The following CROCC variants were observed in gnomAD, a reference collection of about 807,000 sequenced individuals.
CROCC encodes the protein ciliary rootlet coiled-coil, rootletin, also known as rootletin.
A neutral mutation model predicts 245.2 loss-of-function variants in CROCC; 180 were observed. That is an observed-to-expected ratio of 0.73 (90% CI 0.65 to 0.83). CROCC has a LOEUF of 0.83. Among genes scored for constraint, CROCC ranks in the 40% least tolerant of loss-of-function variants. CROCC has a pLI of 0.00. For synonymous variants in CROCC, 1,205 were observed against 1,241.6 expected, an observed-to-expected ratio of 0.97 and a Z score of 0.62; for missense variants, 2,688 against 2,779.4, an observed-to-expected ratio of 0.97 and a Z score of 0.74.
chr1:16,953,385 G>C lies in CROCC; in HGVS notation c.3090G>C (p.Arg1030=). The change falls in exon 21 of 37, where the codon CGG becomes CGC. Residue 1030 remains arginine (R), a synonymous_variant. Coordinates refer to ENST00000375541, the MANE Select transcript of CROCC (RefSeq NM_014675.5). ...GTGAGCAGGAGGAGCTGCTGGCCCG[G>C]CTGGAGGCTGAGAAGGAAGAGCTGA... The part of the protein sequence containing the change: ...LQREQEELLA[R]LEAEKEELSE... 6.2e-7 allele frequency: 1 copy of C among 1,610,546 alleles called. No individual in the cohort carries two copies. Among genetic ancestry groups the C allele is most frequent in the Non-Finnish European group, 8.5e-7 (1 of 1,179,702 alleles).
chr1:16,964,038 T>A (rs1047143874), intron 27 of CROCC, among the ~76,000 whole-genome samples: 32 of 152,114 alleles, frequency 2.1e-4, no homozygotes, highest in African/African-American at 7.2e-4. Context: ...CCTCAGGTGA[T>A]CTGCCCGCCT....
chr1:16,958,872 C>A, intron 26 of CROCC, 122 bp downstream of exon 26: 1 of 1,101,836 alleles, frequency 9.1e-7, no homozygotes, highest in Non-Finnish European at 1.3e-6. Flanking sequence ...TCCCCCACTC[C>A]TTGAGACTCT....
Position 16,969,212 on chromosome 1 carries a change from C to T in CROCC, c.5173C>T (p.Arg1725Trp), listed in dbSNP as rs139046145. The T allele has an allele frequency of 3.4e-4, 544 of 1,610,160 alleles. 3 individuals are homozygous for T. The highest frequency in any genetic ancestry group is 1.8e-3 in the South Asian group (160 of 90,648). The change falls in exon 32 of 37, where the codon CGG (arginine) becomes TGG (tryptophan). Residue 1725 changes from arginine to tryptophan, a missense_variant. Arg to Trp is a moderately radical substitution (Grantham distance 101, BLOSUM62 -3). Around this residue, in one of 9 missense-constraint regions of CROCC, gnomAD observed 1,218 missense variants for 1,286.3 expected, o/e 0.95. Coordinates refer to ENST00000375541, the MANE Select transcript of CROCC (RefSeq NM_014675.5). ...AKVEESEGAL[R>W]DKVRGLTEAL... ...GGTGGAGGAAAGCGAGGGGGCCCTG[C>T]GGGACAAGGTGCGGGGCCTGACAGA...
rs747926328 is a variant in CROCC, at chr1:16,969,350, C to T, written c.5301+10C>T. 11 of 1,605,626 alleles carry T rather than the reference C, an allele frequency of 6.9e-6. No homozygotes were observed. In the Admixed American group the frequency reaches 1.2e-4, roughly 17 times the overall value. On this transcript the variant is annotated intron_variant, in intron 32 of 36. Coordinates refer to ENST00000375541, the MANE Select transcript of CROCC (RefSeq NM_014675.5). ...CCGCCAAGTACTCCAGGTCTCGGGC[C>T]CAGGGTCTGGCTGGGGTGGGCCCAG... is the stretch of plus-strand genomic sequence containing the variant.
Position 16,970,768 on chromosome 1 carries a change from G to A in CROCC, c.5784+1G>A, listed in dbSNP as rs1306551232. The A allele has an allele frequency of 6.3e-7, 1 of 1,579,328 alleles. No individual in the cohort carries two copies. Among genetic ancestry groups the A allele is most frequent in the Admixed American group, 1.9e-5 (1 of 53,916 alleles). On this transcript the variant is annotated splice_donor_variant, in intron 35 of 36. Coordinates refer to ENST00000375541, the MANE Select transcript of CROCC (RefSeq NM_014675.5). LOFTEE classifies it high-confidence loss of function. Reference sequence around the variant, plus strand: ...GCAGAGGCAGATCCAGCAGCTGGAGGTCTGACCCCACCCAGTCCGGGACCC... The same window carrying A: ...GCAGAGGCAGATCCAGCAGCTGGAGATCTGACCCCACCCAGTCCGGGACCC...
intron 25 of CROCC, 144 bp from the exon 26 acceptor site, chr1:16,958,439 T>G: frequency 2.0e-6 from 2 of 976,338 alleles, no homozygotes; most frequent in Non-Finnish European, 3.0e-6. Context: ...TTCAGTGTGG[T>G]TGTGTAGGGG....
intron 3 of CROCC, among the ~76,000 whole-genome samples, 156 bp from the exon 4 acceptor site, chr1:16,929,690 T>C (rs377378311): frequency 1.8e-4 from 27 of 152,374 alleles, no homozygotes; most frequent in South Asian, 1.4e-3. Context: ...ACACGTGCAC[T>C]GCCCCTGGGC....
At position 16,966,342 on chromosome 1, in the gene CROCC, T is replaced by C. The variant is rs551674158; in HGVS notation, c.4697-66T>C. On this transcript the variant is annotated intron_variant, in intron 29 of 36. Transcript: ENST00000375541. The surrounding 1 kb of genome is among the most constrained non-coding windows in gnomAD (Gnocchi z 4.8). ...CTGGGTGGAGTGCAGGCTGGACATT[T>C]TGTGACCTGGTTTGGGTCTCGGGGC... The C allele has an allele frequency of 8.9e-5, 131 of 1,467,272 alleles. No homozygotes were observed. Among genetic ancestry groups the C allele is most frequent in the Non-Finnish European group, 1.1e-4 (125 of 1,108,008 alleles). 90.9% of individuals were successfully genotyped at this position (1,467,272 alleles called of 1,614,324 possible).
intron 8 of CROCC, 80 bp from the exon 9 acceptor site, chr1:16,936,557 C>G: frequency 7.2e-7 from 1 of 1,391,084 alleles, no homozygotes; most frequent in Non-Finnish European, 9.7e-7. Context: ...GTGTGAGCCA[C>G]CACGCCCTGC....
rs2076421453 is a variant in CROCC at position 16,966,519 on chromosome 1, C to T, written c.4808C>T (p.Ala1603Val). Residue 1603 changes from alanine (A) to valine (V), a missense_variant, in exon 30 of 37, where the codon GCC (alanine) becomes GTC (valine). By Grantham distance (64) the Ala-to-Val change is moderately conservative. This residue lies in a region of CROCC where 1,218 missense variants were observed against 1,286.3 expected (regional missense o/e 0.95). Coordinates refer to ENST00000375541, the MANE Select transcript of CROCC (RefSeq NM_014675.5). The surrounding 1 kb of genome is among the most constrained non-coding windows in gnomAD (Gnocchi z 4.8). Reference sequence around the variant, plus strand: ...CGCCGGGCCACGCTGGACCAGGTGGCCACACTGGAGAGGAGCCTGCAGGCC... The same window carrying T: ...CGCCGGGCCACGCTGGACCAGGTGGTCACACTGGAGAGGAGCCTGCAGGCC... ...RERRATLDQV[A>V]TLERSLQATE... 1.3e-6 allele frequency: 2 copies of T among 1,525,542 alleles called. No homozygotes were observed. The highest frequency in any genetic ancestry group is 8.8e-7 in the Non-Finnish European group (1 of 1,140,424). 94.5% of individuals were successfully genotyped at this position (1,525,542 alleles called of 1,614,324 possible). A position where few individuals can be genotyped will look rare whatever the true frequency, so the allele number is the denominator to read the frequency against.
At chr1:16,943,145 G>A (rs2075967927) in intron 13 of CROCC, among the ~76,000 whole-genome samples, 1 of 152,276 alleles carries the variant, frequency 6.6e-6, no homozygotes, top group Non-Finnish European at 1.5e-5. Flanking sequence ...GGGAGGCTGA[G>A]GCAGGAGAAT....
intron 24 of CROCC, 36 bp downstream of exon 24, chr1:16,955,586 A>C (rs770270411): frequency 8.8e-5 from 127 of 1,441,382 alleles, no homozygotes; most frequent in Non-Finnish European, 1.1e-4. Flanking sequence ...CTGAGTCCTC[A>C]TGGGATCCCA....
chr1:16,969,238 G>A lies in CROCC; in HGVS notation c.5199G>A (p.Glu1733=). The change falls in exon 32 of 37, where the codon GAG becomes GAA. Residue 1733 remains glutamate (E), a synonymous_variant. Transcript: ENST00000375541. ...GGGACAAGGTGCGGGGCCTGACAGA[G>A]GCCCTGGCCCAGAGCAGTGCCAGCC... ...ALRDKVRGLT[E]ALAQSSASLN... 1 of 1,613,504 alleles carries A rather than the reference G, an allele frequency of 6.2e-7. No individual in the cohort carries two copies. Among genetic ancestry groups the A allele is most frequent in the South Asian group, 1.1e-5 (1 of 90,986 alleles).
chr1:16,961,529 C>T (rs1316041066), intron 27 of CROCC, among the ~76,000 whole-genome samples: 1 of 152,104 alleles, frequency 6.6e-6, no homozygotes, highest in Non-Finnish European at 1.5e-5. Context: ...GTCTCAGCCT[C>T]TCAGGGTTGG....
chr1:16,926,536 C>T (rs1469025536), intron 3 of CROCC, among the ~76,000 whole-genome samples: 7 of 152,382 alleles, frequency 4.6e-5, no homozygotes, highest in African/African-American at 1.7e-4. Context: ...CCCTGCAGCA[C>T]CCCTGGCATG....
chr1:16,959,179 C>T (rs1393858657), intron 26 of CROCC, among the ~76,000 whole-genome samples: 5 of 152,134 alleles, frequency 3.3e-5, no homozygotes, highest in South Asian at 2.1e-4. Flanking sequence ...CTTGCCACCA[C>T]GCCCAGCTAA....
chr1:16,937,076 C>T (rs1224178569), intron 9 of CROCC, among the ~76,000 whole-genome samples: 8 of 152,264 alleles, frequency 5.3e-5, no homozygotes, highest in South Asian at 2.1e-4. Flanking sequence ...AACTTGTGGC[C>T]GGGTGTGGTG....
At chr1:16,917,123 C>G (rs2075314602), upstream of CROCC, among the ~76,000 whole-genome samples, 1 of 152,270 alleles carries the variant, frequency 6.6e-6, no homozygotes. Flanking sequence ...ATCTCAAAAA[C>G]AAAACAAAAC....
At position 16,966,992 on chromosome 1, in the gene CROCC, C is replaced by G. The variant is rs1289246160; in HGVS notation, c.4860+421C>G. Among the ~76,000 whole-genome samples the G allele has an allele frequency of 2.0e-5, 3 of 151,830 alleles. No individual in the cohort carries two copies. In the East Asian group the frequency reaches 5.8e-4, roughly 30 times the overall value. ...ATCACTGGAGCCCGGTAGGTCGAGG[C>G]TGCAATGAGCTGTGATCATGCCACT... On this transcript the variant is annotated intron_variant, in intron 30 of 36. Transcript: ENST00000375541. This position sits in a 1 kb window ranked among gnomAD's most constrained non-coding sequence, Gnocchi z 4.8.
Sources: allele counts gnomAD v4.1 joint callset (sites outside exome capture counted in the v4.1 genomes callset), GRCh38; gene constraint gnomAD v4.1.1; regional missense constraint gnomAD v4.1.1; non-coding constraint Gnocchi (gnomAD v3.1); transcripts MANE v1.5; gene names NCBI Gene and HGNC (gene_info 2026-07-23, HGNC 2026-07-21).